Variants in CWF19L2 observed in about 807,000 individuals in gnomAD.
The protein encoded by CWF19L2 is CWF19 like cell cycle control factor 2, also known as CWF19-like protein 2.
In CWF19L2, 98 loss-of-function variants were observed where a neutral mutation model predicts 111.7. The observed-to-expected ratio is 0.88, with a 90% CI of 0.75 to 1.04. CWF19L2 has a LOEUF of 1.04. Among genes scored for constraint, CWF19L2 ranks in the 50% least tolerant of loss-of-function variants. The pLI, the probability that CWF19L2 is intolerant of heterozygous loss-of-function variation, is 0.00. For missense variants in CWF19L2, 1,101 were observed against 1,051.4 expected (o/e 1.05, Z -0.65); for synonymous variants, 351 against 342.9 (o/e 1.02, Z -0.26).
intron 1 of CWF19L2, among the ~76,000 whole-genome samples, 171 bp downstream of exon 1, chr11:107,457,541 A>G (rs1290937651): frequency 3.9e-5 from 6 of 152,216 alleles, no homozygotes; most frequent in Non-Finnish European, 7.4e-5. Context: ...CAGAACATCT[A>G]AAAAATCGGT....
chr11:107,340,090 A>G (rs1859984877), intron 14 of CWF19L2, among the ~76,000 whole-genome samples: 1 of 152,094 alleles, frequency 6.6e-6, no homozygotes, highest in Admixed American at 6.6e-5. Flanking sequence ...CTAGTTTATA[A>G]TTTGTCTTTT....
chr11:107,334,776 C>T, intron 16 of CWF19L2, 105 bp downstream of exon 16: 1 of 756,170 alleles, frequency 1.3e-6, no homozygotes, highest in South Asian at 1.6e-5. Context: ...GTAATTTCGC[C>T]TTCAGTCACT....
At chr11:107,378,536 G>A (rs566136919) in intron 12 of CWF19L2, among the ~76,000 whole-genome samples, 3 of 152,174 alleles carry the variant, frequency 2.0e-5, no homozygotes, top group South Asian at 2.1e-4. Flanking sequence ...CAAACACCGC[G>A]TATTCTCACG....
chr11:107,349,488 CTGATTAGCTGAGAAAAGAGAAT>C (rs1274571477), intron 13 of CWF19L2, among the ~76,000 whole-genome samples: 5 of 152,092 alleles, frequency 3.3e-5, no homozygotes, highest in African/African-American at 1.2e-4. Context: ...CCTTCCTTCT[CTGATTAGCTGAGAAAAGAGAAT>C]TAACTCAGCT....
At chr11:107,343,130 C>G (rs990052557) in intron 14 of CWF19L2, among the ~76,000 whole-genome samples, 1 of 152,210 alleles carries the variant, frequency 6.6e-6, no homozygotes, top group Non-Finnish European at 1.5e-5. Flanking sequence ...CAATAGGAAA[C>G]TAGTGCAATG....
chr11:107,351,493 T>G (rs1417112536), intron 13 of CWF19L2, among the ~76,000 whole-genome samples: 5 of 152,166 alleles, frequency 3.3e-5, no homozygotes, highest in African/African-American at 1.2e-4. Context: ...AACCTAGAAT[T>G]CTAGGAGATA....
At chr11:107,327,703 T>C (rs1483122440) in intron 17 of CWF19L2, among the ~76,000 whole-genome samples, 3 of 152,164 alleles carry the variant, frequency 2.0e-5, no homozygotes, top group East Asian at 1.9e-4. Flanking sequence ...CTGTTAGCTA[T>C]AGAAATAAAT....
At chr11:107,344,603 T>G (rs1179730443) in intron 14 of CWF19L2, among the ~76,000 whole-genome samples, 1 of 152,206 alleles carries the variant, frequency 6.6e-6, no homozygotes, top group Non-Finnish European at 1.5e-5. Context: ...AAATTGTACT[T>G]TCCTTACAGC....
intron 12 of CWF19L2, among the ~76,000 whole-genome samples, chr11:107,363,306 T>G (rs1860387082): frequency 6.6e-6 from 1 of 151,966 alleles, no homozygotes; most frequent in Admixed American, 6.6e-5. Context: ...ACGTTCAGAT[T>G]CAGGAAGTAC....
At chr11:107,334,217 G>T (rs1859889371) in intron 16 of CWF19L2, among the ~76,000 whole-genome samples, 1 of 152,042 alleles carries the variant, frequency 6.6e-6, no homozygotes, top group South Asian at 2.1e-4. Context: ...TTTTTGAATA[G>T]AAAAACAAAA....
intron 12 of CWF19L2, among the ~76,000 whole-genome samples, chr11:107,388,680 C>A (rs546032952): frequency 1.3e-5 from 2 of 152,074 alleles, no homozygotes; most frequent in Non-Finnish European, 1.5e-5. Flanking sequence ...ACGCCCGGCA[C>A]TATTACAATT....
Position 107,416,226 on chromosome 11 carries a change from T to C in CWF19L2, c.1600A>G (p.Lys534Glu). Residue 534 changes from lysine to glutamate, a missense_variant, in exon 10 of 18, where the codon AAA becomes GAA. By Grantham distance (56) the Lys-to-Glu change is moderately conservative. Coordinates refer to ENST00000282251, the MANE Select transcript of CWF19L2 (RefSeq NM_152434.3). ...TTACTTACCTCTACCCCAGATTTTT[T>C]TGGTATCTGTGTTATAGTTTCTTTG... ...KFKETITQIPKKSGVENEDQQ... is the reference protein window; with the variant it reads ...KFKETITQIPEKSGVENEDQQ... 7.0e-7 allele frequency: 1 copy of C among 1,430,540 alleles called. No individual in the cohort carries two copies. The highest frequency in any genetic ancestry group is 1.5e-5 in the South Asian group (1 of 67,286). 88.6% of individuals were successfully genotyped at this position (1,430,540 alleles called of 1,614,324 possible). A position where few individuals can be genotyped will look rare whatever the true frequency, so the allele number is the denominator to read the frequency against.
chr11:107,444,702 A>C (rs1446443978), intron 3 of CWF19L2, among the ~76,000 whole-genome samples: 1 of 152,234 alleles, frequency 6.6e-6, no homozygotes, highest in African/African-American at 2.4e-5. Context: ...CAGAAGATAA[A>C]GCTATCCTCT....
chr11:107,393,509 T>A (rs1456098012), intron 10 of CWF19L2, among the ~76,000 whole-genome samples: 1 of 152,188 alleles, frequency 6.6e-6, no homozygotes, highest in Non-Finnish European at 1.5e-5. Context: ...ATTGGAAGGA[T>A]TCTAATAATC....
intron 14 of CWF19L2, among the ~76,000 whole-genome samples, chr11:107,347,415 T>C (rs1860095889): frequency 6.6e-6 from 1 of 152,186 alleles, no homozygotes; most frequent in East Asian, 1.9e-4. Flanking sequence ...TTGTACATAT[T>C]TGAAAGTAAA....
intron 10 of CWF19L2, among the ~76,000 whole-genome samples, chr11:107,410,903 C>T (rs936626438): frequency 2.0e-5 from 3 of 152,066 alleles, no homozygotes; most frequent in Admixed American, 2.0e-4. Context: ...GGAAAAAGCA[C>T]TTCACTTTAG....
At chr11:107,433,494 T>A (rs923199716) in intron 7 of CWF19L2, 140 bp downstream of exon 7, 1 of 342,394 alleles carries the variant, frequency 2.9e-6, no homozygotes, top group African/African-American at 2.1e-5. Context: ...TTAATAATAA[T>A]GAAAAGCAGA....
intron 12 of CWF19L2, among the ~76,000 whole-genome samples, chr11:107,379,964 G>A (rs187820504): frequency 1.3e-3 from 185 of 144,064 alleles, no homozygotes; most frequent in Non-Finnish European, 4.5e-4. Context: ...GGGAGGCTGA[G>A]GCAGGAGAAT....
intron 7 of CWF19L2, among the ~76,000 whole-genome samples, chr11:107,432,906 T>C (rs1288441833): frequency 2.0e-5 from 3 of 152,130 alleles, no homozygotes; most frequent in Non-Finnish European, 4.4e-5. Flanking sequence ...GAAAAGCATA[T>C]AAATGGTCAT....
Sources: gnomAD v4.1 joint callset for allele counts (sites outside exome capture counted in the v4.1 genomes callset) on GRCh38, gnomAD v4.1.1 for gene constraint, MANE v1.5 for transcripts, NCBI Gene and HGNC (gene_info 2026-07-23, HGNC 2026-07-21) for gene names.